FMN1: variants seen among roughly 807,000 people sequenced by gnomAD.
FMN1 encodes the protein formin-1.
FMN1 carries 110 observed loss-of-function variants against 132.4 expected under a neutral mutation model. That is an observed-to-expected ratio of 0.83 (90% CI 0.71 to 0.97). FMN1 has a LOEUF of 0.97. Among genes scored for constraint, FMN1 ranks in the 50% least tolerant of loss-of-function variants. FMN1 has a pLI of 0.00. For missense variants in FMN1, 1,792 were observed against 1,705.3 expected, an observed-to-expected ratio of 1.05 and a Z score of -0.90; for synonymous variants, 722 against 651.7, an observed-to-expected ratio of 1.11 and a Z score of -1.64.
At chr15:33,169,706 A>G (rs553449966) in intron 3 of FMN1, among the ~76,000 whole-genome samples, 5 of 149,752 alleles carry the variant, frequency 3.3e-5, no homozygotes, top group African/African-American at 1.2e-4. Context: ...CCGGAGATCC[A>G]GCTTTTTATA....
At chr15:33,079,550 G>C (rs574217124) in intron 5 of FMN1, among the ~76,000 whole-genome samples, 1 of 152,364 alleles carries the variant, frequency 6.6e-6, no homozygotes, top group South Asian at 2.1e-4. Flanking sequence ...TTGAACCTGG[G>C]AGGCAGAGGT....
At chr15:32,969,518 T>A (rs2031597610) in intron 7 of FMN1, 41 bp from the exon 8 acceptor site, 1 of 1,590,090 alleles carries the variant, frequency 6.3e-7, no homozygotes. Context: ...ATGAGTTTAT[T>A]AAGAACAAAC....
intron 17 of FMN1, among the ~76,000 whole-genome samples, chr15:32,819,735 A>G (rs2058158872): frequency 6.6e-6 from 1 of 152,222 alleles, no homozygotes; most frequent in African/African-American, 2.4e-5. Flanking sequence ...TTTAGGATCT[A>G]ACTTTATAAA....
intron 5 of FMN1, among the ~76,000 whole-genome samples, chr15:33,088,528 A>T (rs2038787342): frequency 6.6e-6 from 1 of 152,220 alleles, no homozygotes; most frequent in Non-Finnish European, 1.5e-5. Context: ...TGAGAGATCT[A>T]GGCTGCAAAG....
intron 5 of FMN1, among the ~76,000 whole-genome samples, chr15:33,073,155 A>G (rs1007834726): frequency 6.6e-6 from 1 of 152,174 alleles, no homozygotes; most frequent in Non-Finnish European, 1.5e-5. Flanking sequence ...ACTTCTCGCT[A>G]TTACTCAGTT....
chr15:32,930,619 C>A (rs991010058), intron 9 of FMN1, among the ~76,000 whole-genome samples: 1 of 151,870 alleles, frequency 6.6e-6, no homozygotes, highest in Admixed American at 6.6e-5. Context: ...TTTTCCCATT[C>A]TGTAAGTTGT....
At chr15:33,145,499 T>A (rs1353747422) in intron 4 of FMN1, among the ~76,000 whole-genome samples, 1 of 151,850 alleles carries the variant, frequency 6.6e-6, no homozygotes, top group Non-Finnish European at 1.5e-5. Flanking sequence ...CTGCTTTTTT[T>A]ATGGCAGTCC....
chr15:32,898,961 G>C, intron 14 of FMN1, 68 bp from the exon 15 acceptor site: 1 of 1,085,022 alleles, frequency 9.2e-7, no homozygotes, highest in Non-Finnish European at 1.4e-6. Flanking sequence ...CGGTTGAGAG[G>C]TGAAATCTCA....
intron 17 of FMN1, among the ~76,000 whole-genome samples, chr15:32,806,995 G>A (rs1567199151): frequency 6.6e-6 from 1 of 152,170 alleles, no homozygotes; most frequent in Non-Finnish European, 1.5e-5. Context: ...GTAAGCTCTA[G>A]GAGGGCAGCA....
At chr15:32,919,551 A>C (rs1172115395) in intron 10 of FMN1, among the ~76,000 whole-genome samples, 2 of 152,192 alleles carry the variant, frequency 1.3e-5, no homozygotes, top group African/African-American at 4.8e-5. Context: ...AAATATTACT[A>C]ATCTTATTTT....
chr15:32,966,509 G>A (rs1181543490), intron 8 of FMN1, among the ~76,000 whole-genome samples: 2 of 151,994 alleles, frequency 1.3e-5, no homozygotes, highest in East Asian at 1.9e-4. Flanking sequence ...AGAGGAGGAG[G>A]AAAATGAGAA....
intron 5 of FMN1, among the ~76,000 whole-genome samples, chr15:33,071,943 T>C (rs1285718760): frequency 1.3e-5 from 2 of 152,162 alleles, no homozygotes; most frequent in Non-Finnish European, 2.9e-5. Context: ...TAAGCACCTA[T>C]TACACAAAAC....
intron 17 of FMN1, among the ~76,000 whole-genome samples, chr15:32,829,306 G>A (rs1026137837): frequency 5.3e-5 from 8 of 152,168 alleles, no homozygotes; most frequent in African/African-American, 1.7e-4. Flanking sequence ...CATGCGCTCC[G>A]GCGAAAGTTC....
chr15:32,857,426 A>AG (rs1225238733), intron 16 of FMN1, among the ~76,000 whole-genome samples: 3 of 152,174 alleles, frequency 2.0e-5, no homozygotes, highest in Non-Finnish European at 4.4e-5. Context: ...CCAAAGATAA[A>AG]GAGAGGCAAA....
At chr15:33,133,202 T>C (rs368740822) in intron 4 of FMN1, among the ~76,000 whole-genome samples, 35 of 152,270 alleles carry the variant, frequency 2.3e-4, no homozygotes, top group South Asian at 1.9e-3. Flanking sequence ...GGTTATGAGT[T>C]AGAACCCTCC....
chr15:32,968,799 TG>T lies in FMN1; in HGVS notation c.2901del (p.Ser968ValfsTer15), dbSNP rs765000947. ...PGLFFGLGSS[S>X]SQCPRKPAIE... is the part of the protein sequence containing the mutation. ...ATGGCTGGTTTTCGAGGACATTGAC[TG>T]GAAGAAGAGCCAAGTCCAAAGAAGA... On this transcript the variant is annotated frameshift_variant, in exon 8 of 21. Coordinates refer to ENST00000616417, the MANE Select transcript of FMN1 (RefSeq NM_001277313.2). LOFTEE classifies it high-confidence loss of function. 5 of 1,603,938 alleles carry T rather than the reference TG, an allele frequency of 3.1e-6. No homozygotes were observed. The Admixed American group carries it at 6.9e-5, about 22-fold the overall frequency.
intron 6 of FMN1, among the ~76,000 whole-genome samples, chr15:33,047,133 G>C (rs947307685): frequency 6.6e-6 from 1 of 152,312 alleles, no homozygotes; most frequent in Non-Finnish European, 1.5e-5. Flanking sequence ...CTTAGGAAAT[G>C]AGTACTTTCT....
At chr15:32,955,297 G>C (rs913713708) in intron 9 of FMN1, among the ~76,000 whole-genome samples, 2 of 152,156 alleles carry the variant, frequency 1.3e-5, no homozygotes, top group Admixed American at 1.3e-4. Flanking sequence ...ATGTGCCTGT[G>C]AGGGCATGTG....
At chr15:33,079,483 C>A (rs949937030) in intron 5 of FMN1, among the ~76,000 whole-genome samples, 1 of 152,168 alleles carries the variant, frequency 6.6e-6, no homozygotes, top group Non-Finnish European at 1.5e-5. Flanking sequence ...ACCAGCTGGG[C>A]ATGGTGGCAC....
Sources: gnomAD v4.1 joint callset for allele counts (sites outside exome capture counted in the v4.1 genomes callset) on GRCh38, gnomAD v4.1.1 for gene constraint, MANE v1.5 for transcripts, NCBI Gene and HGNC (gene_info 2026-07-23, HGNC 2026-07-21) for gene names.